Variants in TMEM132C observed in about 807,000 individuals in gnomAD.
The protein encoded by TMEM132C is transmembrane protein 132C.
In TMEM132C, 29 loss-of-function variants were observed where a neutral mutation model predicts 61.4. That is an observed-to-expected ratio of 0.47 (90% confidence interval 0.35 to 0.64). The LOEUF (loss-of-function observed/expected upper bound fraction) is 0.64, where lower values mean the gene tolerates loss of function less well. Ranked by LOEUF, TMEM132C falls within the 30% of genes least tolerant of loss-of-function variation. The pLI is 0.00. For synonymous variants in TMEM132C, 656 were observed against 633.1 expected (o/e 1.04, Z -0.54); for missense variants, 1,408 against 1,476.9 (o/e 0.95, Z 0.76).
chr12:128,667,194 GT>G (rs1954487291), intron 4 of TMEM132C, among the ~76,000 whole-genome samples: 1 of 152,036 alleles, frequency 6.6e-6, no homozygotes, highest in Admixed American at 6.5e-5. Flanking sequence ...GGAGTGTTAG[GT>G]AGAGTGTGTG....
chr12:128,382,904 G>A (rs1472475796), intron 1 of TMEM132C, among the ~76,000 whole-genome samples: 1 of 151,904 alleles, frequency 6.6e-6, no homozygotes, highest in African/African-American at 2.4e-5. Context: ...ATGTATCTGT[G>A]TATGTGTGCA....
intron 3 of TMEM132C, among the ~76,000 whole-genome samples, chr12:128,581,615 G>T (rs1230551210): frequency 6.6e-6 from 1 of 152,180 alleles, no homozygotes; most frequent in Non-Finnish European, 1.5e-5. Flanking sequence ...CAGGATATTA[G>T]ACACATTTGA....
At chr12:128,619,392 C>T (rs1485266826) in intron 4 of TMEM132C, among the ~76,000 whole-genome samples, 4 of 152,206 alleles carry the variant, frequency 2.6e-5, no homozygotes, top group East Asian at 1.9e-4. Flanking sequence ...CTCTGACTCC[C>T]CCTGAGTAAA....
intron 5 of TMEM132C, among the ~76,000 whole-genome samples, chr12:128,683,941 G>C (rs2135642819): frequency 6.6e-6 from 1 of 151,788 alleles, no homozygotes; most frequent in African/African-American, 2.4e-5. Context: ...ACTCCAGCCT[G>C]GGCAACAAGA....
intron 2 of TMEM132C, among the ~76,000 whole-genome samples, chr12:128,509,082 G>T (rs1470746379): frequency 1.3e-5 from 2 of 152,202 alleles, no homozygotes; most frequent in East Asian, 3.9e-4. Context: ...GTTGGGCAAG[G>T]AGAGGACAGT....
chr12:128,323,437 C>A (rs1872400344), intron 1 of TMEM132C, among the ~76,000 whole-genome samples: 1 of 152,180 alleles, frequency 6.6e-6, no homozygotes, highest in Non-Finnish European at 1.5e-5. Flanking sequence ...AAATTACAGG[C>A]CAAGAGGGAA....
chr12:128,281,462 T>A (rs1165245828), intron 1 of TMEM132C, among the ~76,000 whole-genome samples: 1 of 152,206 alleles, frequency 6.6e-6, no homozygotes, highest in East Asian at 1.9e-4. Flanking sequence ...AGCTTCTGGG[T>A]CTGTCACTGG....
At chr12:128,643,507 C>G (rs1954173493) in intron 4 of TMEM132C, among the ~76,000 whole-genome samples, 1 of 151,850 alleles carries the variant, frequency 6.6e-6, no homozygotes, top group Non-Finnish European at 1.5e-5. Flanking sequence ...AGAGCAGCGG[C>G]AAGTCACATG....
Position 128,706,451 on chromosome 12 carries a change from T to G in TMEM132C, c.*156T>G. ...TTTTGAAGTCAGGAAAAGACGTTTT[T>G]GTATCAAGGGATTTTTAGCAGTTAA... On this transcript the variant is annotated 3_prime_UTR_variant, in exon 9 of 9. Coordinates refer to ENST00000435159, the MANE Select transcript of TMEM132C (RefSeq NM_001136103.3). The G allele has an allele frequency of 1.0e-6, 1 of 998,036 alleles. No homozygotes were observed. The highest frequency in any genetic ancestry group is 2.5e-5 in the South Asian group (1 of 39,674). 61.8% of individuals were successfully genotyped at this position (998,036 alleles called of 1,614,324 possible).
intron 1 of TMEM132C, among the ~76,000 whole-genome samples, chr12:128,384,648 G>A (rs557492128): frequency 6.6e-6 from 1 of 152,238 alleles, no homozygotes; most frequent in South Asian, 2.1e-4. Context: ...GATCAGTCTT[G>A]TTCAGTTCTG....
chr12:128,644,419 C>A (rs1045460894), intron 4 of TMEM132C, among the ~76,000 whole-genome samples: 1 of 152,036 alleles, frequency 6.6e-6, no homozygotes, highest in Non-Finnish European at 1.5e-5. Context: ...TCAAATAGAA[C>A]AATAAGTAAA....
intron 5 of TMEM132C, among the ~76,000 whole-genome samples, chr12:128,689,344 T>C (rs1326885951): frequency 6.6e-6 from 1 of 152,204 alleles, no homozygotes; most frequent in Non-Finnish European, 1.5e-5. Context: ...AATATGCTAT[T>C]ATTAACTATA....
chr12:128,330,007 G>T (rs1437811165), intron 1 of TMEM132C, among the ~76,000 whole-genome samples: 1 of 152,100 alleles, frequency 6.6e-6, no homozygotes, highest in South Asian at 2.1e-4. Flanking sequence ...GGCACGAAGC[G>T]CTCTATTTGC....
intron 1 of TMEM132C, among the ~76,000 whole-genome samples, chr12:128,268,608 C>T (rs1870399691): frequency 6.6e-6 from 1 of 152,140 alleles, no homozygotes. Flanking sequence ...CCAGTATCGG[C>T]CCCAGGCTCT....
Position 128,515,286 on chromosome 12 carries a change from C to T in TMEM132C, c.975-28671C>T, listed in dbSNP as rs137967650. ...TCTCCTGCATTGACAGGTCTGCACC[C>T]GTGTGACCTGCATTTACCCGTAATA... On this transcript the variant is annotated intron_variant, in intron 2 of 8. Coordinates refer to ENST00000435159, the MANE Select transcript of TMEM132C (RefSeq NM_001136103.3). 5.3e-3 allele frequency among the ~76,000 whole-genome samples: 807 copies of T among 152,258 alleles called. 7 individuals carry two copies. Among genetic ancestry groups the T allele is most frequent in the African/African-American group, 0.018 (757 of 41,538 alleles).
intron 1 of TMEM132C, among the ~76,000 whole-genome samples, chr12:128,315,056 C>T (rs928954712): frequency 2.0e-5 from 3 of 152,022 alleles, no homozygotes; most frequent in South Asian, 2.1e-4. Context: ...AGGCAGGTTG[C>T]GATGGGAAGT....
At chr12:128,535,865 CAAAA>C (rs58712156) in intron 2 of TMEM132C, among the ~76,000 whole-genome samples, 48 of 142,798 alleles carry the variant, frequency 3.4e-4, no homozygotes, top group Middle Eastern at 3.6e-3. Flanking sequence ...AAGACTCCAT[CAAAA>C]AAAAAAAAAA....
chr12:128,541,524 AGT>A (rs1873751468), intron 2 of TMEM132C, among the ~76,000 whole-genome samples: 3 of 152,282 alleles, frequency 2.0e-5, no homozygotes, highest in Non-Finnish European at 2.9e-5. Context: ...TCACCTCCTT[AGT>A]GCACAAGAAG....
chr12:128,426,791 T>G (rs1164164029), intron 2 of TMEM132C, among the ~76,000 whole-genome samples: 1 of 152,116 alleles, frequency 6.6e-6, no homozygotes, highest in Non-Finnish European at 1.5e-5. Context: ...GTGGGAAACA[T>G]TTAAACATAG....
Sources: allele counts gnomAD v4.1 joint callset (sites outside exome capture counted in the v4.1 genomes callset), GRCh38; gene constraint gnomAD v4.1.1; transcripts MANE v1.5; gene names NCBI Gene and HGNC (gene_info 2026-07-23, HGNC 2026-07-21).